The following RAPGEF2 variants were observed in gnomAD, a reference collection of about 807,000 sequenced individuals.
The protein encoded by RAPGEF2 is PDZ domain containing guanine nucleotide exchange factor (GEF) 1.
Under a neutral mutation model 186.7 loss-of-function variants are expected in RAPGEF2, and 54 were observed. That is an observed-to-expected ratio of 0.29 (90% confidence interval 0.23 to 0.36). The LOEUF (loss-of-function observed/expected upper bound fraction) is 0.36, where lower values mean the gene tolerates loss of function less well. RAPGEF2 is among the 10% of genes least tolerant of loss of function. The pLI, the probability that RAPGEF2 is intolerant of heterozygous loss-of-function variation, is 1.00. For missense variants in RAPGEF2, 1,532 were observed against 2,045.0 expected (o/e 0.75, Z 4.84); for synonymous variants, 712 against 705.9 (o/e 1.01, Z -0.14).
At chr4:159,299,900 T>A (rs943677475) in intron 7 of RAPGEF2, among the ~76,000 whole-genome samples, 1 of 151,798 alleles carries the variant, frequency 6.6e-6, no homozygotes, top group African/African-American at 2.4e-5. Flanking sequence ...AAAGCTATTA[T>A]ACAAATGATA....
At chr4:159,215,071 C>T (rs1266737107) in intron 4 of RAPGEF2, among the ~76,000 whole-genome samples, 2 of 152,206 alleles carry the variant, frequency 1.3e-5, no homozygotes, top group Non-Finnish European at 2.9e-5. Context: ...CCTTGTTGGC[C>T]AGGCTGCTCT....
intron 18 of RAPGEF2, 39 bp downstream of exon 18, chr4:159,338,507 AT>A (rs749663870): frequency 1.3e-6 from 2 of 1,542,468 alleles, no homozygotes; most frequent in African/African-American, 2.8e-5. Context: ...TCTTATAGTT[AT>A]CTTTTTATTT....
chr4:159,107,667 A>G (rs1738026715), intron 1 of RAPGEF2, among the ~76,000 whole-genome samples: 1 of 152,062 alleles, frequency 6.6e-6, no homozygotes, highest in African/African-American at 2.4e-5. Context: ...TTGATGTGTT[A>G]TAAAGAATAC....
intron 7 of RAPGEF2, among the ~76,000 whole-genome samples, chr4:159,248,624 C>G (rs1052688451): frequency 1.3e-5 from 2 of 152,226 alleles, no homozygotes; most frequent in African/African-American, 4.8e-5. Context: ...ATAGTGGTCT[C>G]AACCTCCTTG....
chr4:159,155,311 T>C (rs535882784), intron 1 of RAPGEF2, among the ~76,000 whole-genome samples: 14 of 152,358 alleles, frequency 9.2e-5, no homozygotes, highest in African/African-American at 3.4e-4. Context: ...TCCGTTTTGA[T>C]TGACAGCCAC....
chr4:159,157,569 T>C (rs960002723), intron 1 of RAPGEF2, among the ~76,000 whole-genome samples: 2 of 152,190 alleles, frequency 1.3e-5, no homozygotes, highest in Admixed American at 6.5e-5. Flanking sequence ...TGGATAAGAA[T>C]GGCTTTTTAA....
In RAPGEF2 at chr4:159,111,370, G is replaced by A. The variant is rs182336076; in HGVS notation, c.69+7139G>A. 1.3e-3 allele frequency among the ~76,000 whole-genome samples: 205 copies of A among 152,320 alleles called. 1 individual carries two copies. The highest frequency in any genetic ancestry group is 2.0e-3 in the Non-Finnish European group (139 of 68,036). ...GTTTCTCATTGCTTGCCTTCCACAG[G>A]TTGAAAATAATGGACTGTGGAGCTT... On this transcript the variant is annotated intron_variant, in intron 1 of 29. Coordinates refer to ENST00000691494, the MANE Select transcript of RAPGEF2 (RefSeq NM_001394067.2).
At chr4:159,168,973 A>G (rs7669604) in intron 1 of RAPGEF2, among the ~76,000 whole-genome samples, 38,684 of 152,168 alleles carry the variant, frequency 0.25, 5,062 homozygotes, top group Admixed American at 0.3. Flanking sequence ...TTGAATTTCT[A>G]TCTTGCATTG....
At chr4:159,263,109 G>T (rs1424819922) in intron 7 of RAPGEF2, among the ~76,000 whole-genome samples, 1 of 152,114 alleles carries the variant, frequency 6.6e-6, no homozygotes, top group African/African-American at 2.4e-5. Flanking sequence ...TTTTAGCCCA[G>T]ATTTCCTCTG....
intron 3 of RAPGEF2, among the ~76,000 whole-genome samples, chr4:159,198,280 TTCTTTCTTTCTTTCTTTCTTTCTTTC>T (rs1748939960): frequency 1.6e-4 from 1 of 6,288 alleles, no homozygotes; most frequent in African/African-American, 6.1e-4. Context: ...CCTTCTTTCT[TTCTTTCTTTCTTTCTTTCTTTCTTTC>T]TTTCTTTCTT....
Position 159,332,023 on chromosome 4 carries a change from C to G in RAPGEF2, c.1877C>G (p.Thr626Ser). The G allele has an allele frequency of 1.3e-6, 2 of 1,584,412 alleles. No individual in the cohort carries two copies. Among genetic ancestry groups the G allele is most frequent in the Non-Finnish European group, 1.7e-6 (2 of 1,163,360 alleles). Residue 626 changes from threonine (T) to serine (S), a missense_variant, in exon 16 of 30, where the codon ACC (threonine) becomes AGC (serine). Around this residue, in one of 4 missense-constraint regions of RAPGEF2, gnomAD observed 810 missense variants for 1,210.5 expected, o/e 0.67. Coordinates refer to ENST00000691494, the MANE Select transcript of RAPGEF2 (RefSeq NM_001394067.2). ...NNTHLSITVKTNLFVFKELLT... is the reference protein window; with the variant it reads ...NNTHLSITVKSNLFVFKELLT... The stretch of plus-strand genomic sequence containing the variant: ...ACACATTTATCTATCACTGTGAAAA[C>G]CAATTTATTTGGTAAGTATTTTGCA...
intron 17 of RAPGEF2, 137 bp from the exon 18 acceptor site, chr4:159,338,174 A>G (rs1396943570): frequency 1.4e-6 from 1 of 708,090 alleles, no homozygotes; most frequent in African/African-American, 1.8e-5. Context: ...GCAGTTTTCA[A>G]CCAAATTTAT....
chr4:159,234,549 ATTTTTTTT>A (rs10588096), intron 4 of RAPGEF2, among the ~76,000 whole-genome samples: 5 of 108,176 alleles, frequency 4.6e-5, no homozygotes, highest in Non-Finnish European at 8.9e-5. Context: ...TGCCCGGCTA[ATTTTTTTT>A]TTTTTTTTTT....
chr4:159,310,977 A>G (rs892099333), intron 8 of RAPGEF2, among the ~76,000 whole-genome samples: 4 of 148,660 alleles, frequency 2.7e-5, no homozygotes, highest in Non-Finnish European at 5.9e-5. Context: ...TTATTACTGT[A>G]TTATATTTCA....
chr4:159,255,230 G>A (rs1303260539), intron 7 of RAPGEF2, among the ~76,000 whole-genome samples: 1 of 152,094 alleles, frequency 6.6e-6, no homozygotes, highest in Non-Finnish European at 1.5e-5. Flanking sequence ...CGCCGTTCTC[G>A]GAATGTATTC....
chr4:159,354,742 A>G (rs1185445766), intron 28 of RAPGEF2, among the ~76,000 whole-genome samples: 1 of 152,234 alleles, frequency 6.6e-6, no homozygotes, highest in Non-Finnish European at 1.5e-5. Context: ...AAGGAAATTT[A>G]TGCAAAGTAT....
intron 7 of RAPGEF2, among the ~76,000 whole-genome samples, chr4:159,298,827 A>T (rs532281929): frequency 2.6e-5 from 4 of 152,282 alleles, no homozygotes; most frequent in South Asian, 4.1e-4. Context: ...CGCCTTGCAG[A>T]GTCTGGTCCG....
chr4:159,197,791 C>G (rs555453178), intron 3 of RAPGEF2, among the ~76,000 whole-genome samples: 1 of 152,290 alleles, frequency 6.6e-6, no homozygotes, highest in African/African-American at 2.4e-5. Context: ...TTTCCTTTCT[C>G]CCACACCTCC....
At chr4:159,294,056 T>G (rs776390231) in intron 7 of RAPGEF2, among the ~76,000 whole-genome samples, 1 of 152,224 alleles carries the variant, frequency 6.6e-6, no homozygotes, top group East Asian at 1.9e-4. Flanking sequence ...CTAGCCAGTC[T>G]CAGCCATGCT....
Sources: allele counts gnomAD v4.1 joint callset (sites outside exome capture counted in the v4.1 genomes callset), GRCh38; gene constraint gnomAD v4.1.1; regional missense constraint gnomAD v4.1.1; transcripts MANE v1.5; gene names NCBI Gene and HGNC (gene_info 2026-07-23, HGNC 2026-07-21).